HUWE1: variants seen among roughly 807,000 people sequenced by gnomAD.
HUWE1 encodes E3 ubiquitin-protein ligase HUWE1.
Under a neutral mutation model 299.4 loss-of-function variants are expected in HUWE1, and 18 were observed. The observed-to-expected ratio is 0.06, with a 90% confidence interval of 0.04 to 0.09. The LOEUF is 0.09. HUWE1 is among the 10% of genes least tolerant of loss of function. The pLI is 1.00. For synonymous variants in HUWE1, 1,317 were observed against 1,286.1 expected (o/e 1.02, Z -0.51); for missense variants, 1,832 against 3,462.3 (o/e 0.53, Z 11.82).
At chrX:53,637,159 T>C (rs1426942456) in intron 7 of HUWE1, among the ~76,000 whole-genome samples, 1 of 112,547 alleles carries the variant, frequency 8.9e-6, no homozygotes, top group East Asian at 2.8e-4. Context: ...ATCCATTCTT[T>C]TTCTGCTAAT....
At chrX:53,664,547 CGTAA>C (rs2069157522) in intron 3 of HUWE1, among the ~76,000 whole-genome samples, 1 of 111,721 alleles carries the variant, frequency 9.0e-6, no homozygotes, top group Non-Finnish European at 1.9e-5. Context: ...AGATGTTGCA[CGTAA>C]GTACGGGAGT....
chrX:53,563,057 A>G (rs1975989047), intron 52 of HUWE1, 128 bp from the exon 53 acceptor site: 1 of 537,779 alleles, frequency 1.9e-6, no homozygotes, highest in Non-Finnish European at 3.2e-6. Flanking sequence ...GAAGACCTGG[A>G]TTGTCTGCTG....
chrX:53,560,842 ATGTAATGCCTGC>A (rs1688737076), intron 55 of HUWE1, among the ~76,000 whole-genome samples: 1 of 111,643 alleles, frequency 9.0e-6, no homozygotes, highest in East Asian at 2.8e-4. Context: ...CTATAGTGCA[ATGTAATGCCTGC>A]TTAGTTATGA....
chrX:53,568,994 T>C, intron 48 of HUWE1, 120 bp from the exon 49 acceptor site: 2 of 587,640 alleles, frequency 3.4e-6, no homozygotes, highest in Admixed American at 2.7e-5. Flanking sequence ...GGAAATAACA[T>C]CTAAACAAAC....
chrX:53,555,932 T>C (rs142245454), intron 60 of HUWE1, among the ~76,000 whole-genome samples: 1,217 of 112,117 alleles, frequency 0.011, 22 homozygotes, highest in African/African-American at 0.038. Context: ...CATGAACCAC[T>C]GCGCCTGGCC....
At chrX:53,565,944 A>C (rs1211924855) in intron 49 of HUWE1, among the ~76,000 whole-genome samples, 3 of 107,939 alleles carry the variant, frequency 2.8e-5, no homozygotes, top group Non-Finnish European at 3.8e-5. Flanking sequence ...AGGGCTTCCT[A>C]GAGTTCAATA....
At chrX:53,567,931 C>T (rs2062646070) in intron 49 of HUWE1, among the ~76,000 whole-genome samples, 1 of 111,663 alleles carries the variant, frequency 9.0e-6, no homozygotes, top group African/African-American at 3.3e-5. Flanking sequence ...CTAGATCTAA[C>T]TAGAAGTTTA....
chrX:53,535,873 G>C lies in HUWE1; in HGVS notation c.12531+274C>G, dbSNP rs369422624. The C allele has an allele frequency of 2.8e-5, 10 of 361,659 alleles. No homozygotes were observed. The East Asian group carries it at 4.8e-4, about 17-fold the overall frequency. The allele number at this position is 361,659 out of a possible 1,213,427, so 29.8% of individuals were successfully genotyped here. On this transcript the variant is annotated intron_variant, in intron 80 of 83. Transcript: ENST00000262854. ...ATTTTCCCCCCACTTACATTTGTAC[G>C]ATTTTTCTACAAAGACCTACCCTTG...
At chrX:53,605,956 T>C (rs188683407) in intron 25 of HUWE1, among the ~76,000 whole-genome samples, 1 of 111,668 alleles carries the variant, frequency 9.0e-6, no homozygotes, top group East Asian at 2.8e-4. Context: ...CTAATCAAAA[T>C]GGATTAAAGA....
In HUWE1 at chrX:53,559,345, C is replaced by A. The variant is rs868954706; in HGVS notation, c.7915+9G>T. On this transcript the variant is annotated intron_variant, in intron 57 of 83. Transcript: ENST00000262854. ...AAATTCTACCCTCCCTTTCACCACA[C>A]AAACTTGCCTGCTTGGCTGGTAGCT... 1.7e-6 allele frequency: 2 copies of A among 1,209,235 alleles called. No homozygotes were observed. The highest frequency in any genetic ancestry group is 1.7e-5 in the African/African-American group (1 of 57,762).
intron 37 of HUWE1, 111 bp downstream of exon 37, chrX:53,588,271 C>T (rs1425002768): frequency 1.5e-5 from 12 of 779,486 alleles, no homozygotes; most frequent in Non-Finnish European, 2.3e-5. Context: ...TCATGAAATG[C>T]AGGACTCATG....
rs782201474 is a variant in HUWE1 at position 53,547,663 on chromosome X, C to G, written c.10636+10G>C. On this transcript the variant is annotated intron_variant, in intron 68 of 83. Transcript: ENST00000262854. ...ATACCCCACAGCTCCCAGTCTACAT[C>G]CACACTTACTTGAAACAGTAGTGGT... The G allele has an allele frequency of 1.7e-6, 2 of 1,210,182 alleles. No homozygotes were observed. Among genetic ancestry groups the G allele is most frequent in the African/African-American group, 1.7e-5 (1 of 57,813 alleles).
intron 3 of HUWE1, among the ~76,000 whole-genome samples, chrX:53,678,750 T>C (rs907431349): frequency 1.8e-4 from 20 of 111,583 alleles, no homozygotes; most frequent in African/African-American, 5.9e-4. Context: ...ATCAAAAGAA[T>C]AAAAAGCAAC....
intron 28 of HUWE1, among the ~76,000 whole-genome samples, chrX:53,600,889 A>G (rs782639618): frequency 8.9e-6 from 1 of 112,469 alleles, no homozygotes; most frequent in East Asian, 2.8e-4. Flanking sequence ...AATGTGTTAA[A>G]TTGCTAGAAA....
chrX:53,638,197 G>A (rs1289451286), intron 7 of HUWE1, among the ~76,000 whole-genome samples: 5 of 111,095 alleles, frequency 4.5e-5, no homozygotes, highest in Admixed American at 9.6e-5. Context: ...AAAATTAGCC[G>A]GGCATGGTGA....
chrX:53,606,902 T>C (rs2065181115), intron 25 of HUWE1, among the ~76,000 whole-genome samples: 1 of 111,485 alleles, frequency 9.0e-6, no homozygotes, highest in Admixed American at 9.5e-5. Context: ...TGCACATCAA[T>C]ATGAATACAC....
At chrX:53,603,903 A>T (rs1351421792) in intron 26 of HUWE1, among the ~76,000 whole-genome samples, 1 of 111,890 alleles carries the variant, frequency 8.9e-6, no homozygotes, top group Non-Finnish European at 1.9e-5. Flanking sequence ...TTTCATTTTC[A>T]TTTTATTTCA....
chrX:53,625,673 T>C (rs1431123290), intron 17 of HUWE1: 1 of 161,757 alleles, frequency 6.2e-6, no homozygotes, highest in Non-Finnish European at 1.2e-5. Flanking sequence ...GCATGAATAG[T>C]CATGGGATGC....
At chrX:53,564,815 G>C in intron 50 of HUWE1, 93 bp from the exon 51 acceptor site, 2 of 1,096,501 alleles carry the variant, frequency 1.8e-6, no homozygotes, top group Non-Finnish European at 2.5e-6. Context: ...TCCCTTCCTT[G>C]GGCAAGTTTG....
Sources: allele counts gnomAD v4.1 joint callset (sites outside exome capture counted in the v4.1 genomes callset), GRCh38; gene constraint gnomAD v4.1.1; transcripts MANE v1.5; gene names NCBI Gene and HGNC (gene_info 2026-07-23, HGNC 2026-07-21).